Variants in EYS observed in about 807,000 individuals in gnomAD.
The protein encoded by EYS is protein eyes shut homolog.
A neutral mutation model predicts 282.1 loss-of-function variants in EYS; 250 were observed. The ratio of observed to expected loss-of-function variants is 0.89; its 90% confidence interval spans 0.80 to 0.98. The LOEUF (loss-of-function observed/expected upper bound fraction) is 0.98. Among genes scored for constraint, EYS ranks in the 50% least tolerant of loss-of-function variants. EYS has a pLI of 0.00. For synonymous variants in EYS, 1,355 were observed against 1,282.9 expected (o/e 1.06, Z -1.20); for missense variants, 4,016 against 3,709.0 (o/e 1.08, Z -2.15).
chr6:63,830,404 C>T (rs1039041798), intron 36 of EYS, among the ~76,000 whole-genome samples: 7 of 152,094 alleles, frequency 4.6e-5, no homozygotes, highest in African/African-American at 1.4e-4. Context: ...AACCATGGCA[C>T]GAGAACTACA....
At chr6:65,014,610 G>T (rs1274203833) in intron 13 of EYS, among the ~76,000 whole-genome samples, 1 of 152,034 alleles carries the variant, frequency 6.6e-6, no homozygotes, top group African/African-American at 2.4e-5. Context: ...TCAGGAGATT[G>T]AAAACAAATC....
intron 41 of EYS, among the ~76,000 whole-genome samples, chr6:63,733,958 A>G (rs956742883): frequency 2.2e-4 from 33 of 152,252 alleles, no homozygotes; most frequent in African/African-American, 7.5e-4. Context: ...GATAGCCAAG[A>G]ACAAAAACAG....
intron 22 of EYS, among the ~76,000 whole-genome samples, chr6:64,673,308 A>G (rs557395150): frequency 6.6e-6 from 1 of 152,246 alleles, no homozygotes; most frequent in South Asian, 2.1e-4. Flanking sequence ...GAGATGGAAG[A>G]TGAACATTAT....
intron 35 of EYS, 50 bp downstream of exon 35, chr6:63,984,333 G>T: frequency 7.6e-7 from 1 of 1,310,760 alleles, no homozygotes. Context: ...GTTGTTTTAA[G>T]AATTTGGAGT....
intron 15 of EYS, among the ~76,000 whole-genome samples, chr6:64,930,461 T>TAAAAAAAAAAAAAAAAAAAAA: frequency 8.1e-6 from 1 of 123,032 alleles, no homozygotes; most frequent in Non-Finnish European, 1.7e-5. Flanking sequence ...ATAAATAAGG[T>TAAAAAAAAAAAAAAAAAAAAA]AAAAAAAAAA....
chr6:65,380,172 G>A (rs1765556342), intron 8 of EYS, among the ~76,000 whole-genome samples: 1 of 151,974 alleles, frequency 6.6e-6, no homozygotes, highest in South Asian at 2.1e-4. Context: ...ACAGTCCTAA[G>A]CAAAAAGAAC....
intron 35 of EYS, among the ~76,000 whole-genome samples, chr6:63,965,451 G>A (rs899790017): frequency 1.3e-5 from 2 of 152,252 alleles, no homozygotes; most frequent in South Asian, 4.1e-4. Context: ...TTTTAACAGA[G>A]GATTTCACCA....
At chr6:64,570,746 A>G (rs1287181800) in intron 26 of EYS, among the ~76,000 whole-genome samples, 2 of 152,202 alleles carry the variant, frequency 1.3e-5, no homozygotes, top group Non-Finnish European at 2.9e-5. Flanking sequence ...TGCTAAATAT[A>G]TGTATACACC....
At chr6:64,277,554 G>A (rs1179246579) in intron 30 of EYS, among the ~76,000 whole-genome samples, 1 of 152,028 alleles carries the variant, frequency 6.6e-6, no homozygotes, top group African/African-American at 2.4e-5. Flanking sequence ...AAAAGGACTG[G>A]CCCTAGTCAT....
chr6:64,797,858 T>C (rs542534998), intron 22 of EYS, among the ~76,000 whole-genome samples: 1 of 152,100 alleles, frequency 6.6e-6, no homozygotes, highest in South Asian at 2.1e-4. Context: ...ATGCAAATTG[T>C]CTATTTATGT....
chr6:64,029,080 C>T (rs1402909744), intron 33 of EYS, among the ~76,000 whole-genome samples: 1 of 152,136 alleles, frequency 6.6e-6, no homozygotes, highest in Non-Finnish European at 1.5e-5. Context: ...ATCAAGGAAA[C>T]ACAGAGGGCA....
chr6:63,873,403 T>TG (rs1772871073), intron 35 of EYS, among the ~76,000 whole-genome samples: 3 of 152,184 alleles, frequency 2.0e-5, no homozygotes, highest in African/African-American at 7.2e-5. Context: ...AGTCTATCAT[T>TG]GATGGACATT....
At chr6:65,606,113 C>A (rs1167392934) in intron 2 of EYS, among the ~76,000 whole-genome samples, 1 of 151,400 alleles carries the variant, frequency 6.6e-6, no homozygotes, top group East Asian at 1.9e-4. Context: ...TATTTATTTA[C>A]ATGACAAAAT....
intron 28 of EYS, among the ~76,000 whole-genome samples, chr6:64,430,241 A>T (rs756761636): frequency 4.6e-5 from 7 of 152,154 alleles, no homozygotes; most frequent in Non-Finnish European, 8.8e-5. Context: ...TGTGTTTTGA[A>T]TGCACAATTT....
intron 30 of EYS, among the ~76,000 whole-genome samples, chr6:64,256,944 T>C (rs1009162609): frequency 1.3e-5 from 2 of 152,068 alleles, no homozygotes; most frequent in Non-Finnish European, 2.9e-5. Context: ...TCTCCTTCAT[T>C]GGTTCTCCAG....
chr6:64,184,556 C>CAAAA (rs11403969), intron 31 of EYS, among the ~76,000 whole-genome samples: 1 of 143,580 alleles, frequency 7.0e-6, no homozygotes. Context: ...CACCATTATG[C>CAAAA]AAAAAAAAAA....
chr6:64,724,579 G>C (rs1167689969), intron 22 of EYS, among the ~76,000 whole-genome samples: 1 of 152,130 alleles, frequency 6.6e-6, no homozygotes, highest in Non-Finnish European at 1.5e-5. Flanking sequence ...GTTTACATCT[G>C]AAGTCAGATT....
intron 33 of EYS, among the ~76,000 whole-genome samples, chr6:64,006,087 C>G (rs1768334122): frequency 6.6e-6 from 1 of 152,124 alleles, no homozygotes; most frequent in African/African-American, 2.4e-5. Context: ...AATATTGATT[C>G]TTCTTAATCA....
chr6:64,132,668 A>T (rs1774018841), intron 31 of EYS, among the ~76,000 whole-genome samples: 1 of 151,864 alleles, frequency 6.6e-6, no homozygotes, highest in Non-Finnish European at 1.5e-5. Context: ...CTTTATTCCA[A>T]ATCTAAATAT....
Sources: gnomAD v4.1 joint callset for allele counts (sites outside exome capture counted in the v4.1 genomes callset) on GRCh38, gnomAD v4.1.1 for gene constraint, MANE v1.5 for transcripts, NCBI Gene and HGNC (gene_info 2026-07-23, HGNC 2026-07-21) for gene names.